Variants in FNDC3B observed in about 807,000 individuals in gnomAD.
FNDC3B encodes fibronectin type III domain-containing protein 3B.
In FNDC3B, 12 loss-of-function variants were observed where a neutral mutation model predicts 151.5. The ratio of observed to expected loss-of-function variants is 0.08; its 90% CI spans 0.05 to 0.13. FNDC3B has a LOEUF of 0.13. Ranked by LOEUF, FNDC3B falls within the 10% of genes least tolerant of loss-of-function variation. The pLI is 1.00. For missense variants in FNDC3B, 1,214 were observed against 1,505.3 expected, an observed-to-expected ratio of 0.81 and a Z score of 3.20; for synonymous variants, 528 against 549.0, an observed-to-expected ratio of 0.96 and a Z score of 0.54.
Position 172,316,125 on chromosome 3 carries a change from G to A in FNDC3B, c.1254+5244G>A, listed in dbSNP as rs575483699. ...CAGGTTCAAGCGATTCCCCTGCCTC[G>A]GCCACTCGAGCAGCTGAGATTACAG... On this transcript the variant is annotated intron_variant, in intron 11 of 25. Transcript: ENST00000415807. Among the ~76,000 whole-genome samples, 198 of 148,792 alleles carry A rather than the reference G, an allele frequency of 1.3e-3. 1 individual carries two copies. Among genetic ancestry groups the A allele is most frequent in the African/African-American group, 4.6e-3 (187 of 40,668 alleles).
chr3:172,322,371 G>A (rs1045020001), intron 11 of FNDC3B, among the ~76,000 whole-genome samples: 1 of 152,194 alleles, frequency 6.6e-6, no homozygotes, highest in African/African-American at 2.4e-5. Flanking sequence ...GTTAGAAGCT[G>A]TAACACCTTT....
intron 23 of FNDC3B, among the ~76,000 whole-genome samples, chr3:172,368,226 C>A (rs1274859433): frequency 1.3e-5 from 2 of 149,124 alleles, no homozygotes; most frequent in Non-Finnish European, 3.0e-5. Context: ...GCTGTGATCG[C>A]ACCACTACAC....
rs148468400 is a variant in FNDC3B, at chr3:172,346,178, G to T, written c.2251-149G>T. The T allele has an allele frequency of 1.5e-4, 66 of 432,678 alleles. No individual in the cohort carries two copies. The East Asian group carries it at 2.3e-3, about 15-fold the overall frequency. The allele number at this position is 432,678 out of a possible 1,614,324, so 26.8% of individuals were successfully genotyped here. A position where few individuals can be genotyped will look rare whatever the true frequency, so the allele number is the denominator to read the frequency against. On this transcript the variant is annotated intron_variant, in intron 19 of 25. Transcript: ENST00000415807. ...AACTTACACACATTGAATTGAAAGT[G>T]AAAATCATTGGGTAATATTTGTTAA...
intron 3 of FNDC3B, among the ~76,000 whole-genome samples, chr3:172,224,550 A>G (rs1032269662): frequency 6.6e-6 from 1 of 151,840 alleles, no homozygotes; most frequent in Non-Finnish European, 1.5e-5. Flanking sequence ...TTTTTTTCCT[A>G]TTTCACAGAC....
In FNDC3B at chr3:172,295,462, G is replaced by C. The variant is rs753474526; in HGVS notation, c.949G>C (p.Glu317Gln). Residue 317 changes from glutamate (E) to glutamine (Q), a missense_variant, in exon 8 of 26, where the codon GAG becomes CAG. Glu to Gln is a conservative substitution (Grantham distance 29). Transcript: ENST00000415807. Reference protein sequence around the residue: ...HSGLSFPYSYEVALSDKGRDG... With the variant: ...HSGLSFPYSYQVALSDKGRDG... ...TGGTCTTTCCTTCCCCTACAGTTACGAGGTGGCCTTATCAGACAAAGGACG... is the reference window on the plus strand; with the variant it reads ...TGGTCTTTCCTTCCCCTACAGTTACCAGGTGGCCTTATCAGACAAAGGACG... 1 of 1,614,020 alleles carries C rather than the reference G, an allele frequency of 6.2e-7. No homozygotes were observed. Among genetic ancestry groups the C allele is most frequent in the South Asian group, 1.1e-5 (1 of 91,082 alleles).
intron 3 of FNDC3B, chr3:172,186,953 A>G: frequency 1.9e-6 from 1 of 519,998 alleles, no homozygotes; most frequent in South Asian, 2.9e-5. Flanking sequence ...TATACTAGCT[A>G]AAAGCAAGGA....
chr3:172,088,537 T>C (rs9824019), intron 1 of FNDC3B, among the ~76,000 whole-genome samples: 88,068 of 152,084 alleles, frequency 0.58, 25,558 homozygotes, highest in Admixed American at 0.62. Flanking sequence ...TTCGTAATTA[T>C]ATTTTGAAAT....
chr3:172,190,476 T>C (rs1724447796), intron 3 of FNDC3B, among the ~76,000 whole-genome samples: 2 of 152,348 alleles, frequency 1.3e-5, no homozygotes, highest in South Asian at 2.1e-4. Flanking sequence ...ATTTGGGTCA[T>C]GAGACTCTCC....
chr3:172,390,333 T>C (rs1735942983), intron 25 of FNDC3B, among the ~76,000 whole-genome samples: 1 of 152,242 alleles, frequency 6.6e-6, no homozygotes. Flanking sequence ...GAAAGTTCCC[T>C]TCAGTTAACT....
chr3:172,147,785 T>A (rs1258729021), intron 3 of FNDC3B, among the ~76,000 whole-genome samples: 1 of 151,212 alleles, frequency 6.6e-6, no homozygotes, highest in African/African-American at 2.4e-5. Context: ...TCGTCGGGGT[T>A]GGTGACATTT....
intron 25 of FNDC3B, among the ~76,000 whole-genome samples, chr3:172,395,576 T>C (rs921257183): frequency 3.9e-5 from 6 of 152,186 alleles, no homozygotes; most frequent in African/African-American, 1.4e-4. Context: ...ACCACCAAAT[T>C]ATTTAAATGT....
At chr3:172,276,272 A>T (rs979482054) in intron 6 of FNDC3B, among the ~76,000 whole-genome samples, 1 of 152,200 alleles carries the variant, frequency 6.6e-6, no homozygotes, top group Non-Finnish European at 1.5e-5. Flanking sequence ...CAGGTGTTCC[A>T]AACCAGAAGT....
chr3:172,247,340 C>T (rs1484991666), intron 4 of FNDC3B, among the ~76,000 whole-genome samples, 193 bp from the exon 5 acceptor site: 1 of 152,060 alleles, frequency 6.6e-6, no homozygotes, highest in Non-Finnish European at 1.5e-5. Flanking sequence ...TGTTTTTGTA[C>T]GTTTTTATAG....
intron 3 of FNDC3B, among the ~76,000 whole-genome samples, chr3:172,175,519 C>T (rs1220608140): frequency 6.6e-6 from 1 of 152,124 alleles, no homozygotes; most frequent in East Asian, 1.9e-4. Flanking sequence ...TAGAAAGGGG[C>T]CATTTAGAGT....
At chr3:172,347,185 T>C in intron 20 of FNDC3B, 27 bp from the exon 21 acceptor site, 1 of 1,597,116 alleles carries the variant, frequency 6.3e-7, no homozygotes, top group Non-Finnish European at 8.5e-7. Context: ...GTGGCATTAT[T>C]AACTACTTCC....
At chr3:172,337,564 A>C in intron 16 of FNDC3B, 163 bp downstream of exon 16, 1 of 564,068 alleles carries the variant, frequency 1.8e-6, no homozygotes, top group Non-Finnish European at 3.1e-6. Context: ...TTCTATTTCA[A>C]ACACAGCACC....
intron 6 of FNDC3B, among the ~76,000 whole-genome samples, chr3:172,268,460 C>T (rs1560048569): frequency 6.6e-6 from 1 of 152,128 alleles, no homozygotes. Context: ...AGTGTTTTGG[C>T]CAGACCTGAG....
At chr3:172,143,949 A>AAATC (rs1356823340) in intron 3 of FNDC3B, among the ~76,000 whole-genome samples, 1 of 151,336 alleles carries the variant, frequency 6.6e-6, no homozygotes, top group East Asian at 1.9e-4. Context: ...ATAAATAAAT[A>AAATC]AATAGTAAAT....
Position 172,244,056 on chromosome 3 carries a change from C to T in FNDC3B, c.265-3477C>T, listed in dbSNP as rs73027399. Among the ~76,000 whole-genome samples, 1,285 of 152,300 alleles carry T rather than the reference C, an allele frequency of 8.4e-3. 19 individuals carry two copies. Among genetic ancestry groups the T allele is most frequent in the African/African-American group, 0.029 (1,210 of 41,542 alleles). Reference sequence around the variant, plus strand: ...AATCACCACACTTCTGCTTTCTTAACAGCACTTACTAGGACTTAGTCTAAT... The same window carrying T: ...AATCACCACACTTCTGCTTTCTTAATAGCACTTACTAGGACTTAGTCTAAT... On this transcript the variant is annotated intron_variant, in intron 4 of 25. Transcript: ENST00000415807.
Sources: allele counts gnomAD v4.1 joint callset (sites outside exome capture counted in the v4.1 genomes callset), GRCh38; gene constraint gnomAD v4.1.1; transcripts MANE v1.5; gene names NCBI Gene and HGNC (gene_info 2026-07-23, HGNC 2026-07-21).